Variants in LYVE1 observed in about 807,000 individuals in gnomAD.
LYVE1 encodes the protein lymphatic vessel endothelial hyaluronic acid receptor 1.
In LYVE1, 29 loss-of-function variants were observed where a neutral mutation model predicts 31.5. The observed-to-expected ratio is 0.92, with a 90% CI of 0.69 to 1.26. The LOEUF is 1.26. Among genes scored for constraint, LYVE1 ranks in the 50% most tolerant of loss-of-function variants. The pLI, the probability that LYVE1 is intolerant of heterozygous loss-of-function variation, is 0.00. For missense variants in LYVE1, 376 were observed against 380.2 expected (o/e 0.99, Z 0.09); for synonymous variants, 134 against 139.4 (o/e 0.96, Z 0.27).
At position 10,563,110 on chromosome 11, in the gene LYVE1, C is replaced by T. The variant is rs544167934; in HGVS notation, c.397+830G>A. 2.6e-5 allele frequency among the ~76,000 whole-genome samples: 4 copies of T among 152,018 alleles called. No individual in the cohort carries two copies. In the South Asian group the frequency reaches 8.3e-4, roughly 32 times the overall value. ...CTGGGACTACAGGTGCCTGCCACCA[C>T]GCCTGGCTAATTTTTTGTATTTTTA... On this transcript the variant is annotated intron_variant, in intron 3 of 5. Transcript: ENST00000256178.
chr11:10,568,481 T>C lies in LYVE1; in HGVS notation c.52A>G (p.Arg18Gly). The stretch of plus-strand genomic sequence containing the variant: ...CGCAAAGAGCCTTGGACCAGGAGCC[T>C]CGTGGTCCAGATGGAAGTGAGAAGC... ...VLLLTSIWTT[R>G]LLVQGSLRAE... The change falls in exon 1 of 6, where the codon AGG (arginine) becomes GGG (glycine). Residue 18 changes from arginine (R) to glycine (G), a missense_variant. Physicochemically the swap from Arg to Gly is moderately radical, Grantham distance 125. Coordinates refer to ENST00000256178, the MANE Select transcript of LYVE1 (RefSeq NM_006691.4). 1.9e-6 allele frequency: 3 copies of C among 1,614,066 alleles called. No individual in the cohort carries two copies. The highest frequency in any genetic ancestry group is 1.1e-5 in the South Asian group (1 of 91,070).
At chr11:10,563,004 A>G (rs1850462220) in intron 3 of LYVE1, among the ~76,000 whole-genome samples, 1 of 116,134 alleles carries the variant, frequency 8.6e-6, no homozygotes, top group African/African-American at 3.3e-5. Flanking sequence ...CCCAGGCTGG[A>G]GTGCAATGGC....
rs1242681147 is a variant in LYVE1 at position 10,564,385 on chromosome 11, A to T, written c.86-11T>A. On this transcript the variant is annotated splice_polypyrimidine_tract_variant and intron_variant, in intron 1 of 5. Coordinates refer to ENST00000256178, the MANE Select transcript of LYVE1 (RefSeq NM_006691.4). ...CCTGGATGGAAAGCTCTGCAAAGGAATCACATAGGTCCTCAGTTTGCTGCT... is the reference window on the plus strand; with the variant it reads ...CCTGGATGGAAAGCTCTGCAAAGGATTCACATAGGTCCTCAGTTTGCTGCT... The T allele has an allele frequency of 1.2e-6, 2 of 1,610,142 alleles. No homozygotes were observed. Among genetic ancestry groups the T allele is most frequent in the African/African-American group, 2.7e-5 (2 of 74,896 alleles).
At position 10,564,321 on chromosome 11, in the gene LYVE1, T is replaced by G; in HGVS notation, c.139A>C (p.Lys47Gln). The G allele has an allele frequency of 6.2e-7, 1 of 1,614,194 alleles. No homozygotes were observed. The highest frequency in any genetic ancestry group is 8.5e-7 in the Non-Finnish European group (1 of 1,180,032). ...GTGAAATTCAGCTGCTGGTTCGCCTTTTTGCTCACAAGGGTGATCCCCATA... is the reference window on the plus strand; with the variant it reads ...GTGAAATTCAGCTGCTGGTTCGCCTGTTTGCTCACAAGGGTGATCCCCATA... ...RIMGITLVSK[K>Q]ANQQLNFTEA... Residue 47 changes from lysine (K) to glutamine (Q), a missense_variant, in exon 2 of 6, where the codon AAG becomes CAG. By Grantham distance (53) the Lys-to-Gln change is moderately conservative. Coordinates refer to ENST00000256178, the MANE Select transcript of LYVE1 (RefSeq NM_006691.4).
intron 3 of LYVE1, among the ~76,000 whole-genome samples, chr11:10,563,040 G>A (rs4910161): frequency 0.11 from 14,175 of 133,452 alleles, 823 homozygotes; most frequent in Admixed American, 0.19. Context: ...TGCAAGCTCC[G>A]CCTCCTGGGT....
intron 1 of LYVE1, among the ~76,000 whole-genome samples, chr11:10,566,256 C>T (rs571239417): frequency 1.4e-4 from 22 of 151,902 alleles, no homozygotes; most frequent in Non-Finnish European, 2.5e-4. Context: ...ACTACAGACG[C>T]GAGACACCAT....
At chr11:10,564,894 G>A (rs189909355) in intron 1 of LYVE1, among the ~76,000 whole-genome samples, 11 of 152,270 alleles carry the variant, frequency 7.2e-5, no homozygotes, top group Non-Finnish European at 1.3e-4. Context: ...TGGCCACTGG[G>A]GGACAGGCTT....
Position 10,568,459 on chromosome 11 carries a change from A to C in LYVE1, c.74T>G (p.Leu25Trp), listed in dbSNP as rs1027875981. The part of the protein sequence containing the change: ...WTTRLLVQGS[L>W]RAEELSIQVS... ...GGTGAGAAACCTACCTTCTGCACGC[A>C]AAGAGCCTTGGACCAGGAGCCTCGT... Residue 25 changes from leucine to tryptophan, a missense_variant, in exon 1 of 6, where the codon TTG (leucine) becomes TGG (tryptophan). Physicochemically the swap from Leu to Trp is moderately conservative, Grantham distance 61 (BLOSUM62 -2). Coordinates refer to ENST00000256178, the MANE Select transcript of LYVE1 (RefSeq NM_006691.4). 4.3e-6 allele frequency: 7 copies of C among 1,613,904 alleles called. No individual in the cohort carries two copies. The highest frequency in any genetic ancestry group is 5.9e-6 in the Non-Finnish European group (7 of 1,179,930).
chr11:10,561,970 A>T (rs932688200), intron 3 of LYVE1, among the ~76,000 whole-genome samples: 2 of 152,182 alleles, frequency 1.3e-5, no homozygotes, highest in African/African-American at 4.8e-5. Context: ...AAAGTATAAT[A>T]AAAATAAAAT....
chr11:10,560,696 T>TACTGTC lies in LYVE1; in HGVS notation c.496_501dup (p.Asp166_Ser167dup). Reference sequence around the variant, plus strand: ...GAGTAAGGGGATGCCACCGAGTAGGTACTGTCACTGACAATAAATTCTGTT... The same window carrying TACTGTC: ...GAGTAAGGGGATGCCACCGAGTAGGTACTGTCACTGTCACTGACAATAAATTCTGTT... On this transcript the variant is annotated inframe_insertion, in exon 4 of 6. Coordinates refer to ENST00000256178, the MANE Select transcript of LYVE1 (RefSeq NM_006691.4). The TACTGTC allele has an allele frequency of 6.2e-7, 1 of 1,613,928 alleles. No homozygotes were observed. The highest frequency in any genetic ancestry group is 1.1e-5 in the South Asian group (1 of 91,076).
intron 3 of LYVE1, among the ~76,000 whole-genome samples, chr11:10,563,597 C>T (rs75046580): frequency 3.7e-4 from 57 of 152,214 alleles, no homozygotes; most frequent in Admixed American, 1.4e-3. Context: ...CACTGAGGGA[C>T]GACTGTGCAT....
chr11:10,560,920 C>T, intron 3 of LYVE1, 120 bp from the exon 4 acceptor site: 2 of 753,430 alleles, frequency 2.7e-6, no homozygotes, highest in Non-Finnish European at 4.4e-6. Context: ...CTTTAAAAAG[C>T]AAATCTAACC....
intron 3 of LYVE1, among the ~76,000 whole-genome samples, chr11:10,561,997 C>A: frequency 6.6e-6 from 1 of 152,060 alleles, no homozygotes; most frequent in East Asian, 1.9e-4. Context: ...ATAAAATTAT[C>A]TCTGGAAAAA....
intron 1 of LYVE1, 67 bp from the exon 2 acceptor site, chr11:10,564,441 C>A: frequency 1.4e-6 from 2 of 1,458,218 alleles, no homozygotes; most frequent in South Asian, 2.3e-5. Flanking sequence ...GACTCTCCTT[C>A]CCAGCAGAGT....
intron 3 of LYVE1, among the ~76,000 whole-genome samples, chr11:10,561,630 T>C (rs1435621851): frequency 4.6e-5 from 7 of 152,224 alleles, no homozygotes; most frequent in Non-Finnish European, 1.0e-4. Flanking sequence ...AGTGTTTAAA[T>C]AGGTATCTCA....
chr11:10,560,413 C>A, intron 4 of LYVE1, 82 bp downstream of exon 4: 1 of 1,287,236 alleles, frequency 7.8e-7, no homozygotes, highest in Non-Finnish European at 1.1e-6. Flanking sequence ...AGCGCCTCAT[C>A]TAAAGACAGG....
intron 5 of LYVE1, 53 bp from the exon 6 acceptor site, chr11:10,559,350 A>G: frequency 6.7e-7 from 1 of 1,489,470 alleles, no homozygotes; most frequent in South Asian, 1.2e-5. Context: ...ATAACGATAG[A>G]TAACACTTTT....
At position 10,564,387 on chromosome 11, in the gene LYVE1, C is replaced by CACATAGGTCCTCAGTTTG; in HGVS notation, c.86-31_86-14dup. ...TGGATGGAAAGCTCTGCAAAGGAATCACATAGGTCCTCAGTTTGCTGCTGT... is the reference window on the plus strand; with the variant it reads ...TGGATGGAAAGCTCTGCAAAGGAATCACATAGGTCCTCAGTTTGACATAGGTCCTCAGTTTGCTGCTGT... On this transcript the variant is annotated splice_polypyrimidine_tract_variant and intron_variant, in intron 1 of 5. Coordinates refer to ENST00000256178, the MANE Select transcript of LYVE1 (RefSeq NM_006691.4). 6.2e-7 allele frequency: 1 copy of CACATAGGTCCTCAGTTTG among 1,608,542 alleles called. No individual in the cohort carries two copies. The highest frequency in any genetic ancestry group is 1.3e-5 in the African/African-American group (1 of 74,994).
rs376994311 is a variant in LYVE1 at position 10,564,123 on chromosome 11, G to A, written c.258-44C>T. On this transcript the variant is annotated intron_variant, in intron 2 of 5. Coordinates refer to ENST00000256178, the MANE Select transcript of LYVE1 (RefSeq NM_006691.4). The stretch of plus-strand genomic sequence containing the variant: ...TAGTTGAACAGAAAAATGATTAGAA[G>A]GCTTCATCTCTATTGCTGAACAAGA... The A allele has an allele frequency of 3.3e-5, 53 of 1,613,938 alleles. No homozygotes were observed. The African/African-American group carries it at 6.9e-4, about 21-fold the overall frequency.
Sources: allele counts gnomAD v4.1 joint callset (sites outside exome capture counted in the v4.1 genomes callset), GRCh38; gene constraint gnomAD v4.1.1; transcripts MANE v1.5; gene names NCBI Gene and HGNC (gene_info 2026-07-23, HGNC 2026-07-21).